The following FRAS1 variants were observed in gnomAD, a reference collection of about 807,000 sequenced individuals.
The protein encoded by FRAS1 is extracellular matrix organizing protein FRAS1.
A neutral mutation model predicts 435.2 loss-of-function variants in FRAS1; 290 were observed. That is an observed-to-expected ratio of 0.67 (90% confidence interval 0.61 to 0.73). FRAS1 has a LOEUF of 0.73. FRAS1 is among the 30% of genes least tolerant of loss of function. The pLI, the probability that FRAS1 is intolerant of heterozygous loss-of-function variation, is 0.00. For synonymous variants in FRAS1, 1,800 were observed against 1,851.0 expected (o/e 0.97, Z 0.71); for missense variants, 4,860 against 5,001.5 (o/e 0.97, Z 0.85).
chr4:78,121,817 G>A (rs1376968904), intron 2 of FRAS1, among the ~76,000 whole-genome samples: 1 of 152,182 alleles, frequency 6.6e-6, no homozygotes, highest in East Asian at 1.9e-4. Context: ...ATTTCACACA[G>A]AATAGTCATC....
chr4:78,119,729 C>G (rs530293703), intron 2 of FRAS1, among the ~76,000 whole-genome samples: 6 of 152,290 alleles, frequency 3.9e-5, no homozygotes, highest in Admixed American at 2.0e-4. Context: ...TAACACAGTT[C>G]TGAGGATGCT....
At chr4:78,265,152 T>C in intron 7 of FRAS1, 44 bp downstream of exon 7, 1 of 1,327,314 alleles carries the variant, frequency 7.5e-7, no homozygotes, top group Non-Finnish European at 1.1e-6. Context: ...ACATCCGTTC[T>C]CACACATCTG....
chr4:78,117,637 T>C (rs2109956058), intron 2 of FRAS1, among the ~76,000 whole-genome samples: 1 of 152,042 alleles, frequency 6.6e-6, no homozygotes, highest in Non-Finnish European at 1.5e-5. Flanking sequence ...TACTGAGGCT[T>C]GCATTCATCA....
intron 9 of FRAS1, among the ~76,000 whole-genome samples, chr4:78,277,466 C>T (rs996198195): frequency 1.3e-5 from 2 of 152,126 alleles, no homozygotes; most frequent in South Asian, 4.2e-4. Flanking sequence ...CCGCCCCCCC[C>T]ATTCTTTAGA....
chr4:78,284,185 A>G (rs1278456689), intron 12 of FRAS1, among the ~76,000 whole-genome samples: 1 of 147,836 alleles, frequency 6.8e-6, no homozygotes, highest in Non-Finnish European at 1.5e-5. Flanking sequence ...ACAGTGATGA[A>G]TTTCAGACAA....
chr4:78,222,932 G>A (rs1284609159), intron 2 of FRAS1, among the ~76,000 whole-genome samples: 1 of 152,170 alleles, frequency 6.6e-6, no homozygotes, highest in African/African-American at 2.4e-5. Context: ...GCTGGTAATT[G>A]TACCAGAAGT....
intron 66 of FRAS1, 26 bp from the exon 67 acceptor site, chr4:78,519,305 C>T (rs764352652): frequency 6.8e-7 from 1 of 1,480,274 alleles, no homozygotes; most frequent in South Asian, 1.5e-5. Flanking sequence ...AGAAATAACT[C>T]TGTGTGCATA....
chr4:78,479,307 AC>A, intron 55 of FRAS1, 66 bp from the exon 56 acceptor site: 1 of 1,107,414 alleles, frequency 9.0e-7, no homozygotes, highest in Non-Finnish European at 1.2e-6. Context: ...TCATTAACTT[AC>A]CAGAGGTTTT....
At chr4:78,504,069 T>C (rs1720758448) in intron 61 of FRAS1, among the ~76,000 whole-genome samples, 1 of 152,238 alleles carries the variant, frequency 6.6e-6, no homozygotes, top group South Asian at 2.1e-4. Context: ...GATTACACTG[T>C]GGTCTGAGAG....
rs989833068 is a variant in FRAS1 at position 78,170,270 on chromosome 4, T to A, written c.109-67240T>A. Among the ~76,000 whole-genome samples the A allele has an allele frequency of 2.0e-5, 3 of 152,318 alleles. No homozygotes were observed. In the South Asian group the frequency reaches 6.2e-4, roughly 32 times the overall value. On this transcript the variant is annotated intron_variant, in intron 2 of 73. Transcript: ENST00000512123. The stretch of plus-strand genomic sequence containing the variant: ...TTAAAGGCTGGGTTTGTGTCTGTTT[T>A]GTTCACCATTATATAAATAGCTACA...
At chr4:78,129,855 C>T (rs1484150589) in intron 2 of FRAS1, among the ~76,000 whole-genome samples, 1 of 152,122 alleles carries the variant, frequency 6.6e-6, no homozygotes, top group African/African-American at 2.4e-5. Flanking sequence ...CTCTCCAACT[C>T]TCCATTTTCT....
rs183647443 is a variant in FRAS1 at position 78,489,621 on chromosome 4, C to G, written c.8958+541C>G. Among the ~76,000 whole-genome samples, 8 of 152,220 alleles carry G rather than the reference C, an allele frequency of 5.3e-5. No individual in the cohort carries two copies. In the East Asian group the frequency reaches 1.5e-3, roughly 29 times the overall value. ...AATATTTTTAATGATGTCATCTATTCCTTCTTTGTCTCCCACTTACAATCA... is the reference window on the plus strand; with the variant it reads ...AATATTTTTAATGATGTCATCTATTGCTTCTTTGTCTCCCACTTACAATCA... On this transcript the variant is annotated intron_variant, in intron 59 of 73. Transcript: ENST00000512123.
At chr4:78,188,888 G>A (rs190629632) in intron 2 of FRAS1, among the ~76,000 whole-genome samples, 97 of 152,276 alleles carry the variant, frequency 6.4e-4, no homozygotes, top group Middle Eastern at 6.8e-3. Context: ...AAAGGGCAGC[G>A]GTATGGATGG....
At chr4:78,520,635 A>G (rs1721357562) in intron 67 of FRAS1, among the ~76,000 whole-genome samples, 1 of 152,224 alleles carries the variant, frequency 6.6e-6, no homozygotes, top group Non-Finnish European at 1.5e-5. Context: ...AATACAATGC[A>G]TATGCTATAT....
chr4:78,394,456 A>T (rs537599400), intron 29 of FRAS1, among the ~76,000 whole-genome samples: 288 of 152,068 alleles, frequency 1.9e-3, no homozygotes, highest in Non-Finnish European at 3.5e-3. Context: ...TGAAGAGACT[A>T]TTCTTTTCTC....
intron 70 of FRAS1, among the ~76,000 whole-genome samples, chr4:78,529,545 A>T (rs1721648504): frequency 6.6e-6 from 1 of 152,110 alleles, no homozygotes; most frequent in African/African-American, 2.4e-5. Flanking sequence ...GTTTATGGTT[A>T]TACCTCATGT....
At chr4:78,139,140 G>T (rs1322663118) in intron 2 of FRAS1, among the ~76,000 whole-genome samples, 1 of 152,158 alleles carries the variant, frequency 6.6e-6, no homozygotes, top group African/African-American at 2.4e-5. Flanking sequence ...ATAATATGCT[G>T]CCTGAACTCA....
chr4:78,494,866 T>C (rs1036155818), intron 59 of FRAS1, among the ~76,000 whole-genome samples: 3 of 152,128 alleles, frequency 2.0e-5, no homozygotes, highest in Non-Finnish European at 2.9e-5. Flanking sequence ...ATACAATCAG[T>C]TTATCAAAAT....
chr4:78,417,523 CCTTA>C (rs987590625), intron 32 of FRAS1, among the ~76,000 whole-genome samples: 2 of 152,112 alleles, frequency 1.3e-5, no homozygotes, highest in African/African-American at 4.8e-5. Context: ...AATTTGTTGT[CCTTA>C]CTTGTTTTAT....
Sources: allele counts gnomAD v4.1 joint callset (sites outside exome capture counted in the v4.1 genomes callset), GRCh38; gene constraint gnomAD v4.1.1; transcripts MANE v1.5; gene names NCBI Gene and HGNC (gene_info 2026-07-23, HGNC 2026-07-21).